Variants in SLC39A14 observed in about 807,000 individuals in gnomAD.
The protein encoded by SLC39A14 is metal cation symporter ZIP14.
Under a neutral mutation model 45.5 loss-of-function variants are expected in SLC39A14, and 19 were observed. The ratio of observed to expected loss-of-function variants is 0.42; its 90% CI spans 0.29 to 0.61. SLC39A14 has a LOEUF of 0.61. SLC39A14 is among the 20% of genes least tolerant of loss of function. The pLI, the probability that SLC39A14 is intolerant of heterozygous loss-of-function variation, is 0.22. For synonymous variants in SLC39A14, 264 were observed against 251.3 expected (o/e 1.05, Z -0.48); for missense variants, 447 against 616.5 (o/e 0.73, Z 2.91).
intron 3 of SLC39A14, chr8:22,409,921 C>A (rs749720534): frequency 1.9e-4 from 307 of 1,612,894 alleles, no homozygotes; most frequent in Non-Finnish European, 2.2e-4. Flanking sequence ...AATAGAGGCC[C>A]TCGTCTGTTC....
At chr8:22,414,431 T>C (rs558614449) in intron 4 of SLC39A14, among the ~76,000 whole-genome samples, 13 of 152,348 alleles carry the variant, frequency 8.5e-5, no homozygotes, top group South Asian at 2.1e-4. Context: ...TGTCTGCTCC[T>C]TCAATATGAA....
Position 22,404,705 on chromosome 8 carries a change from G to C in SLC39A14, c.-6G>C, listed in dbSNP as rs550742050. 3.1e-6 allele frequency: 5 copies of C among 1,593,700 alleles called. No homozygotes were observed. The highest frequency in any genetic ancestry group is 1.7e-5 in the African/African-American group (1 of 60,080). ...CCTTTTTCTCTCACAGGTTTATTCAGTCACCATGAAGCTGCTGCTGCTGCA... is the reference window on the plus strand; with the variant it reads ...CCTTTTTCTCTCACAGGTTTATTCACTCACCATGAAGCTGCTGCTGCTGCA... On this transcript the variant is annotated 5_prime_UTR_variant, in exon 2 of 9. Coordinates refer to ENST00000381237, the MANE Select transcript of SLC39A14 (RefSeq NM_001128431.4).
At position 22,416,056 on chromosome 8, in the gene SLC39A14, G is replaced by C; in HGVS notation, c.940-17G>C. On this transcript the variant is annotated splice_polypyrimidine_tract_variant and intron_variant, in intron 6 of 8. Transcript: ENST00000381237. ...AGCCTTTGACGCTGTGGGCCCTGGG[G>C]GTGTGCTTTCTCCTAGGACCTGCAG... 6.2e-7 allele frequency: 1 copy of C among 1,613,506 alleles called. No homozygotes were observed.
chr8:22,423,667 T>C (rs1836328161), downstream of SLC39A14, among the ~76,000 whole-genome samples: 2 of 151,984 alleles, frequency 1.3e-5, no homozygotes, highest in African/African-American at 2.4e-5. Flanking sequence ...GGTTGCGCCA[T>C]GTTGGCCAGG....
downstream of SLC39A14, among the ~76,000 whole-genome samples, chr8:22,423,980 AT>A (rs59585972): frequency 0.47 from 68,891 of 147,818 alleles, 16,663 homozygotes; most frequent in East Asian, 0.68. Context: ...TAATTTTTTA[AT>A]TTTTTTTTTT....
chr8:22,393,282 T>G lies in SLC39A14; in HGVS notation c.-15-11414T>G, dbSNP rs371216351. ...AGGGCAAGAGGAGGCAGGGGGAGAA[T>G]GGGCCGATTAAGCCCCGGGGCAGGG... On this transcript the variant is annotated intron_variant, in intron 1 of 8. Coordinates refer to ENST00000381237, the MANE Select transcript of SLC39A14 (RefSeq NM_001128431.4). 9 of 977,144 alleles carry G rather than the reference T, an allele frequency of 9.2e-6. No individual in the cohort carries two copies. In the East Asian group the frequency reaches 6.8e-4, roughly 74 times the overall value. 60.5% of individuals were successfully genotyped at this position (977,144 alleles called of 1,614,324 possible). A position where few individuals can be genotyped will look rare whatever the true frequency, so the allele number is the denominator to read the frequency against.
At chr8:22,428,125 C>A (rs962930733) in intron 8 of SLC39A14, among the ~76,000 whole-genome samples, 1 of 151,972 alleles carries the variant, frequency 6.6e-6, no homozygotes, top group Non-Finnish European at 1.5e-5. Flanking sequence ...ATGGGGAAAC[C>A]CCTGTCTACG....
At chr8:22,411,275 C>A (rs910987658) in intron 3 of SLC39A14, among the ~76,000 whole-genome samples, 5 of 152,182 alleles carry the variant, frequency 3.3e-5, no homozygotes, top group Non-Finnish European at 4.4e-5. Flanking sequence ...TCTTTTGGGC[C>A]TGGACAGAGT....
chr8:22,416,955 G>A (rs1164588925), intron 7 of SLC39A14, among the ~76,000 whole-genome samples: 5 of 152,284 alleles, frequency 3.3e-5, no homozygotes, highest in South Asian at 2.1e-4. Context: ...CTCAGTAAAG[G>A]CTCTCTTTTG....
At chr8:22,375,400 TG>T (rs1233306834) in intron 1 of SLC39A14, among the ~76,000 whole-genome samples, 2 of 151,708 alleles carry the variant, frequency 1.3e-5, no homozygotes, top group Non-Finnish European at 2.9e-5. Context: ...GTTTTTTTTT[TG>T]GGGGGAGGGG....
Position 22,421,926 on chromosome 8 carries a change from A to G in SLC39A14, c.*2228A>G, listed in dbSNP as rs1836250149. 1 of 985,306 alleles carries G rather than the reference A, an allele frequency of 1.0e-6. No individual in the cohort carries two copies. Among genetic ancestry groups the G allele is most frequent in the Admixed American group, 6.1e-5 (1 of 16,268 alleles). 61.0% of individuals were successfully genotyped at this position (985,306 alleles called of 1,614,324 possible). A position where few individuals can be genotyped will look rare whatever the true frequency, so the allele number is the denominator to read the frequency against. On this transcript the variant is annotated 3_prime_UTR_variant, in exon 9 of 9. Coordinates refer to ENST00000381237, the MANE Select transcript of SLC39A14 (RefSeq NM_001128431.4). Reference sequence around the variant, plus strand: ...TTCCTTCCATAGACAGCTGCCTCAAAGGGAAATCCTCTTTAAACCGTAGTT... The same window carrying G: ...TTCCTTCCATAGACAGCTGCCTCAAGGGGAAATCCTCTTTAAACCGTAGTT...
At chr8:22,380,500 G>A (rs1231146878) in intron 1 of SLC39A14, among the ~76,000 whole-genome samples, 4 of 152,174 alleles carry the variant, frequency 2.6e-5, no homozygotes, top group African/African-American at 4.8e-5. Context: ...ATTCAGGACC[G>A]AGATGAGGCC....
chr8:22,393,796 C>T (rs1586682183), intron 1 of SLC39A14, among the ~76,000 whole-genome samples: 1 of 152,218 alleles, frequency 6.6e-6, no homozygotes, highest in Non-Finnish European at 1.5e-5. Context: ...CTCAGGCCTC[C>T]TCAGTAGCGG....
At chr8:22,397,782 A>G (rs552689955) in intron 1 of SLC39A14, among the ~76,000 whole-genome samples, 23 of 152,302 alleles carry the variant, frequency 1.5e-4, no homozygotes, top group Middle Eastern at 6.8e-3. Flanking sequence ...ATACATTTCT[A>G]TCAGGCTCAG....
intron 1 of SLC39A14, among the ~76,000 whole-genome samples, chr8:22,399,575 C>T (rs553147562): frequency 1.3e-5 from 2 of 152,252 alleles, no homozygotes; most frequent in Non-Finnish European, 2.9e-5. Flanking sequence ...TTGTGGGCGT[C>T]AGTGCCCAGT....
chr8:22,398,973 C>A (rs1586699909), intron 1 of SLC39A14, among the ~76,000 whole-genome samples: 1 of 152,282 alleles, frequency 6.6e-6, no homozygotes, highest in East Asian at 1.9e-4. Context: ...CTTATTTGAC[C>A]CTGAGGCAAG....
chr8:22,425,938 C>A (rs138973890), downstream of SLC39A14, among the ~76,000 whole-genome samples: 264 of 150,072 alleles, frequency 1.8e-3, no homozygotes, highest in African/African-American at 6.2e-3. Context: ...GTTGCCCAGC[C>A]TGGAGCACAA....
intron 4 of SLC39A14, among the ~76,000 whole-genome samples, chr8:22,413,726 A>G (rs1223221418): frequency 2.6e-5 from 4 of 152,156 alleles, no homozygotes; most frequent in African/African-American, 9.7e-5. Flanking sequence ...TATACTTCCT[A>G]TGTACCCACA....
At position 22,422,530 on chromosome 8, in the gene SLC39A14, T is replaced by C. The variant is rs1342215297; in HGVS notation, c.*2832T>C. ...AGAGAGGTTAGGATTTTATTGTTCT[T>C]ATTTCCCTTTACAGTTCTGCAGTTC... On this transcript the variant is annotated 3_prime_UTR_variant, in exon 9 of 9. Coordinates refer to ENST00000381237, the MANE Select transcript of SLC39A14 (RefSeq NM_001128431.4). 1.0e-6 allele frequency: 1 copy of C among 985,544 alleles called. No individual in the cohort carries two copies. The highest frequency in any genetic ancestry group is 1.2e-6 in the Non-Finnish European group (1 of 829,728). The allele number at this position is 985,544 out of a possible 1,614,324, so 61.0% of individuals were successfully genotyped here.
Sources: gnomAD v4.1 joint callset for allele counts (sites outside exome capture counted in the v4.1 genomes callset) on GRCh38, gnomAD v4.1.1 for gene constraint, MANE v1.5 for transcripts, NCBI Gene and HGNC (gene_info 2026-07-23, HGNC 2026-07-21) for gene names.